The following CHN2 variants were observed in gnomAD, a reference collection of about 807,000 sequenced individuals.
CHN2 encodes the protein chimerin 2.
Under a neutral mutation model 56.3 loss-of-function variants are expected in CHN2, and 35 were observed. The observed-to-expected ratio is 0.62, with a 90% CI of 0.47 to 0.82. CHN2 has a LOEUF of 0.82. CHN2 is among the 40% of genes least tolerant of loss of function. The pLI, the probability that CHN2 is intolerant of heterozygous loss-of-function variation, is 0.00. For missense variants in CHN2, 491 were observed against 580.5 expected (o/e 0.85, Z 1.58); for synonymous variants, 210 against 212.8 (o/e 0.99, Z 0.12).
intron 2 of CHN2, among the ~76,000 whole-genome samples, chr7:29,363,631 T>C (rs1358361141): frequency 6.6e-6 from 1 of 152,182 alleles, no homozygotes; most frequent in Non-Finnish European, 1.5e-5. Flanking sequence ...TAAATAAACA[T>C]AATATTTATT....
At chr7:29,188,836 C>G (rs1352547965) in intron 2 of CHN2, among the ~76,000 whole-genome samples, 1 of 151,846 alleles carries the variant, frequency 6.6e-6, no homozygotes, top group Non-Finnish European at 1.5e-5. Context: ...AAACAGAAAT[C>G]ATTTCTATAG....
intron 6 of CHN2, among the ~76,000 whole-genome samples, chr7:29,403,701 A>G (rs185704274): frequency 1.2e-4 from 19 of 152,304 alleles, no homozygotes; most frequent in African/African-American, 4.1e-4. Flanking sequence ...TGGTTAGCCA[A>G]TAGTGATCCG....
chr7:29,381,372 T>C (rs895912946), intron 3 of CHN2, among the ~76,000 whole-genome samples: 3 of 152,122 alleles, frequency 2.0e-5, no homozygotes, highest in African/African-American at 4.8e-5. Context: ...GTATGCCTAA[T>C]TGGGTTGTCC....
intron 6 of CHN2, among the ~76,000 whole-genome samples, chr7:29,432,146 G>T (rs2128115494): frequency 6.6e-6 from 1 of 152,200 alleles, no homozygotes; most frequent in East Asian, 1.9e-4. Flanking sequence ...GTGAGTGTGG[G>T]ATCTAAGAGT....
At chr7:29,266,774 C>G (rs1790180387) in intron 1 of CHN2, among the ~76,000 whole-genome samples, 1 of 152,152 alleles carries the variant, frequency 6.6e-6, no homozygotes, top group Non-Finnish European at 1.5e-5. Context: ...CAGATAGGTT[C>G]TGAGCACTGC....
Position 29,400,674 on chromosome 7 carries a change from C to T in CHN2, c.422C>T (p.Ala141Val). ...LITLYIETKA[A>V]EYISKMTTNP... ...ACACTGTACATAGAAACAAAAGCTGCCGAGTACATTTCAAAAATGACAACT... is the reference window on the plus strand; with the variant it reads ...ACACTGTACATAGAAACAAAAGCTGTCGAGTACATTTCAAAAATGACAACT... Residue 141 changes from alanine to valine, a missense_variant, in exon 6 of 13, where the codon GCC becomes GTC. By Grantham distance (64) the Ala-to-Val change is moderately conservative. Coordinates refer to ENST00000222792, the MANE Select transcript of CHN2 (RefSeq NM_004067.4). The T allele has an allele frequency of 1.2e-6, 2 of 1,614,098 alleles. No individual in the cohort carries two copies. Among genetic ancestry groups the T allele is most frequent in the Non-Finnish European group, 8.5e-7 (1 of 1,180,038 alleles).
chr7:29,255,704 C>T (rs1789018251), intron 1 of CHN2, among the ~76,000 whole-genome samples: 1 of 152,166 alleles, frequency 6.6e-6, no homozygotes, highest in Non-Finnish European at 1.5e-5. Context: ...AACAAACAAA[C>T]AGCCATGATT....
chr7:29,398,613 T>G, intron 5 of CHN2, 127 bp downstream of exon 5: 1 of 641,312 alleles, frequency 1.6e-6, no homozygotes, highest in Non-Finnish European at 2.7e-6. Flanking sequence ...GTTTATGTTA[T>G]GAGGGGGGGG....
At chr7:29,162,377 G>A (rs1280672400) in intron 2 of CHN2, among the ~76,000 whole-genome samples, 1 of 152,108 alleles carries the variant, frequency 6.6e-6, no homozygotes, top group Non-Finnish European at 1.5e-5. Flanking sequence ...AGAACATTAT[G>A]ATGGCCAGGC....
At chr7:29,483,848 C>T (rs1787641009) in intron 7 of CHN2, 7 of 1,295,542 alleles carry the variant, frequency 5.4e-6, no homozygotes, top group Non-Finnish European at 7.1e-6. Flanking sequence ...CCGCATAGTA[C>T]TCCTGGCCAC....
chr7:29,322,543 T>G (rs1795442716), intron 1 of CHN2, among the ~76,000 whole-genome samples: 1 of 152,196 alleles, frequency 6.6e-6, no homozygotes, highest in South Asian at 2.1e-4. Context: ...AAAGCAATAA[T>G]TGGTGTGAAA....
At position 29,284,690 on chromosome 7, in the gene CHN2, C is replaced by T. The variant is rs1792011479; in HGVS notation, c.50-69935C>T. 1.3e-5 allele frequency among the ~76,000 whole-genome samples: 2 copies of T among 152,196 alleles called. 1 individual carries two copies. Among genetic ancestry groups the T allele is most frequent in the South Asian group, 4.1e-4 (2 of 4,828 alleles). On this transcript the variant is annotated intron_variant, in intron 1 of 12. Coordinates refer to ENST00000222792, the MANE Select transcript of CHN2 (RefSeq NM_004067.4). ...AGAAAGGAACACGGTCTAGCTGACT[C>T]CATGATTTCAACCTGGGAAACCTGG...
In CHN2 at chr7:29,282,004, T is replaced by A. The variant is rs1791760053; in HGVS notation, c.50-72621T>A. Among the ~76,000 whole-genome samples, 6 of 152,094 alleles carry A rather than the reference T, an allele frequency of 3.9e-5. No homozygotes were observed. In the South Asian group the frequency reaches 1.2e-3, roughly 32 times the overall value. On this transcript the variant is annotated intron_variant, in intron 1 of 12. Coordinates refer to ENST00000222792, the MANE Select transcript of CHN2 (RefSeq NM_004067.4). ...TCCTCCATAAATAACATAGAGACAG[T>A]TGTGTTGACTCGGCAGTGGCGTGAT...
chr7:29,479,953 A>G, intron 6 of CHN2: 1 of 1,448,202 alleles, frequency 6.9e-7, no homozygotes, highest in Non-Finnish European at 9.0e-7. Context: ...TCCATCACTC[A>G]AACTGGGCCT....
At chr7:29,316,853 G>C (rs1157717498) in intron 1 of CHN2, among the ~76,000 whole-genome samples, 1 of 152,036 alleles carries the variant, frequency 6.6e-6, no homozygotes, top group African/African-American at 2.4e-5. Context: ...GGTAGCGGGG[G>C]AATCATGTGG....
chr7:29,237,127 C>G (rs1348525416), intron 1 of CHN2, among the ~76,000 whole-genome samples: 3 of 152,236 alleles, frequency 2.0e-5, no homozygotes, highest in Admixed American at 2.0e-4. Context: ...AATACCTAAG[C>G]TCCACCTAGT....
intron 1 of CHN2, among the ~76,000 whole-genome samples, chr7:29,352,457 C>T (rs1797958019): frequency 6.6e-6 from 1 of 152,078 alleles, no homozygotes; most frequent in African/African-American, 2.4e-5. Flanking sequence ...CACGGTGGCT[C>T]ATGCCTGTAA....
intron 3 of CHN2, among the ~76,000 whole-genome samples, chr7:29,381,185 A>G (rs969129979): frequency 2.6e-5 from 4 of 152,164 alleles, no homozygotes; most frequent in Non-Finnish European, 5.9e-5. Context: ...TCAGCCCATC[A>G]TGTTTGATTC....
chr7:29,423,700 A>G (rs368548879), intron 6 of CHN2, among the ~76,000 whole-genome samples: 1 of 152,238 alleles, frequency 6.6e-6, no homozygotes, highest in South Asian at 2.1e-4. Flanking sequence ...GCAATATCAT[A>G]GTCTTTGTCA....
Sources: gnomAD v4.1 joint callset for allele counts (sites outside exome capture counted in the v4.1 genomes callset) on GRCh38, gnomAD v4.1.1 for gene constraint, MANE v1.5 for transcripts, NCBI Gene and HGNC (gene_info 2026-07-23, HGNC 2026-07-21) for gene names.